The following PPP2R5C variants were observed in gnomAD, a reference collection of about 807,000 sequenced individuals.
PPP2R5C encodes protein phosphatase 2 regulatory subunit B'gamma.
Under a neutral mutation model 68.9 loss-of-function variants are expected in PPP2R5C, and 7 were observed. That is an observed-to-expected ratio of 0.10 (90% CI 0.06 to 0.19). The LOEUF (loss-of-function observed/expected upper bound fraction) is 0.19. Among genes scored for constraint, PPP2R5C ranks in the 10% least tolerant of loss-of-function variants. PPP2R5C has a pLI of 1.00. For missense variants in PPP2R5C, 348 were observed against 641.3 expected (o/e 0.54, Z 4.94); for synonymous variants, 210 against 222.2 (o/e 0.95, Z 0.49).
intron 2 of PPP2R5C, among the ~76,000 whole-genome samples, chr14:101,874,612 ATGAT>A (rs1438560639): frequency 1.3e-5 from 2 of 152,226 alleles, no homozygotes; most frequent in African/African-American, 4.8e-5. Flanking sequence ...ATAACTGTAA[ATGAT>A]TTATTTTCAT....
At chr14:101,848,788 G>A (rs2041987130) in intron 1 of PPP2R5C, among the ~76,000 whole-genome samples, 1 of 152,174 alleles carries the variant, frequency 6.6e-6, no homozygotes, top group African/African-American at 2.4e-5. Flanking sequence ...GGAGACTCAC[G>A]TCTCACTAGG....
At chr14:101,817,729 A>G (rs2039810506) in intron 1 of PPP2R5C, among the ~76,000 whole-genome samples, 2 of 116,332 alleles carry the variant, frequency 1.7e-5, no homozygotes, top group Non-Finnish European at 3.2e-5. Context: ...TGAACTGTCT[A>G]GGGCATGTGA....
chr14:101,909,389 G>T (rs1288723451), intron 10 of PPP2R5C, among the ~76,000 whole-genome samples, 200 bp from the exon 13 acceptor site: 1 of 152,190 alleles, frequency 6.6e-6, no homozygotes, highest in Non-Finnish European at 1.5e-5. Flanking sequence ...CTGTGGCTAT[G>T]TGAGAGCCAC....
exon 14 of PPP2R5C, chr14:101,927,439 T>C (rs1424415550): frequency 6.6e-6 from 1 of 152,670 alleles, no homozygotes; most frequent in African/African-American, 2.4e-5. Flanking sequence ...TACATATCAT[T>C]GTATAGAGAC....
intron 13 of PPP2R5C, among the ~76,000 whole-genome samples, chr14:101,919,121 G>A (rs1379123363): frequency 1.3e-5 from 2 of 152,228 alleles, no homozygotes; most frequent in African/African-American, 2.4e-5. Flanking sequence ...CATGGCTGAC[G>A]CCATATCCCC....
chr14:101,902,225 C>T (rs1293250314), intron 9 of PPP2R5C, among the ~76,000 whole-genome samples: 6 of 152,150 alleles, frequency 3.9e-5, no homozygotes, highest in Admixed American at 2.6e-4. Flanking sequence ...CAACGGGTGG[C>T]CAAAGCCTCG....
At position 101,869,413 on chromosome 14, in the gene PPP2R5C, C is replaced by T. The variant is rs527560331; in HGVS notation, c.294+12528C>T. Reference sequence around the variant, plus strand: ...TAAATACTTACATACCGATTTTAGACATAAGCTTTTATTTAACTTGGGTAA... The same window carrying T: ...TAAATACTTACATACCGATTTTAGATATAAGCTTTTATTTAACTTGGGTAA... On this transcript the variant is annotated intron_variant, in intron 2 of 13. Coordinates refer to ENST00000334743, the Ensembl canonical transcript of PPP2R5C. 1.2e-3 allele frequency among the ~76,000 whole-genome samples: 183 copies of T among 152,254 alleles called. 1 individual carries two copies. The highest frequency in any genetic ancestry group is 4.3e-3 in the African/African-American group (179 of 41,556).
intron 2 of PPP2R5C, among the ~76,000 whole-genome samples, chr14:101,778,609 T>G (rs996500805): frequency 2.0e-5 from 3 of 152,196 alleles, no homozygotes; most frequent in African/African-American, 4.8e-5. Context: ...CCACCTTTAT[T>G]CTTGTCCATA....
intron 2 of PPP2R5C, among the ~76,000 whole-genome samples, chr14:101,876,413 G>A (rs1048590580): frequency 6.6e-6 from 1 of 150,846 alleles, no homozygotes; most frequent in Non-Finnish European, 1.5e-5. Context: ...TAGACTGTCA[G>A]CGGTTTTTTT....
intron 5 of PPP2R5C, among the ~76,000 whole-genome samples, chr14:101,885,160 G>A (rs1460913188): frequency 6.6e-6 from 1 of 152,212 alleles, no homozygotes; most frequent in Non-Finnish European, 1.5e-5. Context: ...CAGAGCACGG[G>A]CCATGGCCTG....
intron 2 of PPP2R5C, among the ~76,000 whole-genome samples, chr14:101,880,043 C>A (rs1165282026): frequency 6.6e-6 from 1 of 152,186 alleles, no homozygotes; most frequent in African/African-American, 2.4e-5. Flanking sequence ...GCCTGTGGGC[C>A]AGCAACTGAG....
At chr14:101,816,879 TATTATATATATATTATATAA>T (rs2039714529) in intron 1 of PPP2R5C, among the ~76,000 whole-genome samples, 1 of 136,356 alleles carries the variant, frequency 7.3e-6, no homozygotes, top group Non-Finnish European at 1.5e-5. Flanking sequence ...TTTATATATA[TATTATATATATATTATATAA>T]ATATATATAT....
intron 2 of PPP2R5C, among the ~76,000 whole-genome samples, chr14:101,783,697 C>T (rs1252025377): frequency 1.3e-5 from 2 of 152,226 alleles, no homozygotes; most frequent in Non-Finnish European, 2.9e-5. Flanking sequence ...ACCTTCCATG[C>T]AGCCGACCTT....
chr14:101,891,624 C>A lies in PPP2R5C; in HGVS notation c.689+1328C>A, dbSNP rs1037784557. 1.3e-5 allele frequency among the ~76,000 whole-genome samples: 2 copies of A among 152,118 alleles called. No homozygotes were observed. Among genetic ancestry groups the A allele is most frequent in the Non-Finnish European group, 2.9e-5 (2 of 68,002 alleles). ...AGGGCCCCCGTGTGCATAGGGCCGC[C>A]GGGCAGCTCCCGCCGAGAGGCTGAT... On this transcript the variant is annotated intron_variant, in intron 6 of 13. Coordinates refer to ENST00000334743, the Ensembl canonical transcript of PPP2R5C. This position sits in a 1 kb window ranked among gnomAD's most constrained non-coding sequence, Gnocchi z 4.9.
chr14:101,797,335 A>T lies in PPP2R5C; in HGVS notation c.259+11152A>T. On this transcript the variant is annotated intron_variant, in intron 3 of 14. Transcript: ENST00000328724. The surrounding 1 kb of genome is among the most constrained non-coding windows in gnomAD (Gnocchi z 4.2). ...ATCAGTGGATGGACGCGTGGGTTGC[A>T]GAGCACGCCACACACATTCAGTCAG... is the stretch of plus-strand genomic sequence containing the variant. 1 of 455,900 alleles carries T rather than the reference A, an allele frequency of 2.2e-6. No homozygotes were observed. Among genetic ancestry groups the T allele is most frequent in the Non-Finnish European group, 4.4e-6 (1 of 226,664 alleles). 28.2% of individuals were successfully genotyped at this position (455,900 alleles called of 1,614,324 possible). A position where few individuals can be genotyped will look rare whatever the true frequency, so the allele number is the denominator to read the frequency against.
At position 101,813,900 on chromosome 14, in the gene PPP2R5C, G is replaced by A. The variant is rs137904397; in HGVS notation, c.94+3864G>A. On this transcript the variant is annotated intron_variant, in intron 1 of 13. Coordinates refer to ENST00000334743, the Ensembl canonical transcript of PPP2R5C. ...TTATTTTCTCACAAGTACTTCCTGA[G>A]TCACCAATTTGTTGAAGGTCTTCAC... 2.0e-4 allele frequency among the ~76,000 whole-genome samples: 30 copies of A among 152,248 alleles called. 1 individual carries two copies. The highest frequency in any genetic ancestry group is 1.0e-3 in the Admixed American group (16 of 15,288).
intron 2 of PPP2R5C, among the ~76,000 whole-genome samples, chr14:101,780,943 T>G (rs2037650956): frequency 6.6e-6 from 1 of 152,156 alleles, no homozygotes. Flanking sequence ...CAGCACTGAC[T>G]GGGTGATTTC....
intron 2 of PPP2R5C, among the ~76,000 whole-genome samples, chr14:101,763,485 C>T (rs2036671086): frequency 6.6e-6 from 1 of 152,014 alleles, no homozygotes; most frequent in African/African-American, 2.4e-5. Context: ...CGAGTTCAAG[C>T]AATTCTCCTG....
intron 1 of PPP2R5C, among the ~76,000 whole-genome samples, chr14:101,812,016 G>A (rs1217004679): frequency 3.9e-5 from 6 of 152,114 alleles, no homozygotes; most frequent in African/African-American, 1.4e-4. Context: ...GGATAACTTT[G>A]GAGACCTAAG....
Sources: allele counts gnomAD v4.1 joint callset (sites outside exome capture counted in the v4.1 genomes callset), GRCh38; gene constraint gnomAD v4.1.1; non-coding constraint Gnocchi (gnomAD v3.1); transcripts MANE v1.5; gene names NCBI Gene and HGNC (gene_info 2026-07-23, HGNC 2026-07-21).